The following HMGB1 variants were observed in gnomAD, a reference collection of about 807,000 sequenced individuals.
The protein encoded by HMGB1 is high mobility group protein B1.
For synonymous variants in HMGB1, 81 were observed against 84.0 expected, an observed-to-expected ratio of 0.96 and a Z score of 0.19; for missense variants, 79 against 253.5, an observed-to-expected ratio of 0.31 and a Z score of 4.67.
chr13:30,544,516 A>G (rs1420797036), intron 1 of HMGB1, among the ~76,000 whole-genome samples: 3 of 152,204 alleles, frequency 2.0e-5, no homozygotes, highest in Admixed American at 6.5e-5. Flanking sequence ...TGCCTATGTA[A>G]TGACGCTTCC....
chr13:30,544,624 T>C (rs145622703), intron 1 of HMGB1, among the ~76,000 whole-genome samples: 196 of 152,314 alleles, frequency 1.3e-3, no homozygotes, highest in African/African-American at 4.5e-3. Context: ...ATGGAAGCTC[T>C]GCACCCTTCC....
intron 1 of HMGB1, among the ~76,000 whole-genome samples, chr13:30,605,921 TAAA>T (rs1950453829): frequency 6.6e-6 from 1 of 152,186 alleles, no homozygotes; most frequent in Non-Finnish European, 1.5e-5. Flanking sequence ...ATGTATCTCC[TAAA>T]ATAAGTCCAT....
intron 1 of HMGB1, among the ~76,000 whole-genome samples, chr13:30,551,039 G>T (rs539163003): frequency 1.9e-4 from 29 of 152,222 alleles, no homozygotes; most frequent in African/African-American, 5.8e-4. Context: ...TTAGCCCTCA[G>T]GGAGAAAACA....
At chr13:30,530,555 A>G (rs772994471) in intron 1 of HMGB1, among the ~76,000 whole-genome samples, 1 of 152,208 alleles carries the variant, frequency 6.6e-6, no homozygotes, top group African/African-American at 2.4e-5. Context: ...TGCTCACTGA[A>G]GTGTGCAAAT....
chr13:30,462,778 A>G, intron 3 of HMGB1, 66 bp from the exon 4 acceptor site: 1 of 1,305,348 alleles, frequency 7.7e-7, no homozygotes, highest in East Asian at 2.4e-5. Context: ...TATCAAGTGT[A>G]CACTGCATTG....
chr13:30,482,442 A>G (rs542397461), intron 1 of HMGB1, among the ~76,000 whole-genome samples: 38 of 152,338 alleles, frequency 2.5e-4, no homozygotes, highest in Non-Finnish European at 2.8e-4. Context: ...ACTAATATTT[A>G]CTGGGCATTC....
rs1565991444 is a variant in HMGB1 at position 30,459,511 on chromosome 13, C to G, written c.*1846G>C. On this transcript the variant is annotated 3_prime_UTR_variant, in exon 5 of 5. Coordinates refer to ENST00000341423, the MANE Select transcript of HMGB1 (RefSeq NM_002128.7). ...AAATCAGATTGAGTCATTTGCTCCTCTTAACAAAAAATCTGATGTTCGACA... is the reference window on the plus strand; with the variant it reads ...AAATCAGATTGAGTCATTTGCTCCTGTTAACAAAAAATCTGATGTTCGACA... 1 of 145,918 alleles carries G rather than the reference C, an allele frequency of 6.9e-6. No homozygotes were observed. Among genetic ancestry groups the G allele is most frequent in the East Asian group, 1.9e-4 (1 of 5,192 alleles). The allele number at this position is 145,918 out of a possible 1,614,324, so 9.0% of individuals were successfully genotyped here.
intron 1 of HMGB1, chr13:30,553,580 T>C (rs1332322842): frequency 3.7e-6 from 2 of 547,618 alleles, no homozygotes; most frequent in Non-Finnish European, 6.5e-6. Flanking sequence ...TGAGTAATGA[T>C]TGACTATAAT....
At chr13:30,495,741 G>C (rs1298653633) in intron 1 of HMGB1, among the ~76,000 whole-genome samples, 1 of 152,218 alleles carries the variant, frequency 6.6e-6, no homozygotes, top group East Asian at 1.9e-4. Flanking sequence ...GCCTCCCAAA[G>C]TGCTGGGATT....
chr13:30,508,756 C>T (rs1483651854), intron 1 of HMGB1, among the ~76,000 whole-genome samples: 2 of 152,112 alleles, frequency 1.3e-5, no homozygotes. Flanking sequence ...CCCTCCCCTT[C>T]ATTTTTCAAG....
intron 1 of HMGB1, among the ~76,000 whole-genome samples, chr13:30,581,628 TA>T (rs1172494429): frequency 6.6e-6 from 1 of 152,180 alleles, no homozygotes; most frequent in Non-Finnish European, 1.5e-5. Context: ...CCACAAGTAT[TA>T]GAAGTTAGAC....
At position 30,571,814 on chromosome 13, in the gene HMGB1, T is replaced by C. The variant is rs187438838; in HGVS notation, c.-15+44857A>G. On this transcript the variant is annotated intron_variant, in intron 1 of 4. Coordinates refer to the HMGB1 transcript ENST00000405805. Reference sequence around the variant, plus strand: ...GAAGAGTATATGTATTTTAGAAGTATTACTTTATATTTTTATAGTATAATA... The same window carrying C: ...GAAGAGTATATGTATTTTAGAAGTACTACTTTATATTTTTATAGTATAATA... 5.9e-5 allele frequency among the ~76,000 whole-genome samples: 9 copies of C among 152,252 alleles called. No individual in the cohort carries two copies. The East Asian group carries it at 1.5e-3, about 26-fold the overall frequency.
intron 1 of HMGB1, among the ~76,000 whole-genome samples, chr13:30,536,991 G>C (rs1178292942): frequency 6.6e-6 from 1 of 152,112 alleles, no homozygotes; most frequent in Non-Finnish European, 1.5e-5. Flanking sequence ...TCCGTTCCAT[G>C]GGTCCTCTGT....
At chr13:30,530,833 G>A (rs984727608) in intron 1 of HMGB1, among the ~76,000 whole-genome samples, 16 of 152,114 alleles carry the variant, frequency 1.1e-4, no homozygotes, top group Non-Finnish European at 4.4e-5. Flanking sequence ...GATTGCTTGA[G>A]CCCAGGAGTT....
At chr13:30,564,015 T>G (rs745725172) in intron 1 of HMGB1, among the ~76,000 whole-genome samples, 1 of 152,202 alleles carries the variant, frequency 6.6e-6, no homozygotes, top group Non-Finnish European at 1.5e-5. Context: ...TTCGTGGGCA[T>G]GGTGGCCAAA....
At chr13:30,601,458 G>T (rs536780818) in intron 1 of HMGB1, among the ~76,000 whole-genome samples, 1 of 99,372 alleles carries the variant, frequency 1.0e-5, no homozygotes, top group East Asian at 2.0e-4. Flanking sequence ...TAAAAATGAG[G>T]GTTGTGGCCG....
intron 1 of HMGB1, among the ~76,000 whole-genome samples, chr13:30,541,201 C>T (rs76372878): frequency 0.15 from 23,246 of 152,066 alleles, 1,841 homozygotes; most frequent in Middle Eastern, 0.33. Flanking sequence ...GGCTGGAAAA[C>T]GAAACTCAGA....
chr13:30,592,192 C>T (rs939446765), intron 1 of HMGB1, among the ~76,000 whole-genome samples: 2 of 151,646 alleles, frequency 1.3e-5, no homozygotes, highest in Non-Finnish European at 2.9e-5. Flanking sequence ...AACATTTTCC[C>T]CTATATTACA....
chr13:30,607,455 T>C (rs949624164), intron 1 of HMGB1, among the ~76,000 whole-genome samples: 3 of 152,212 alleles, frequency 2.0e-5, no homozygotes, highest in African/African-American at 7.2e-5. Context: ...TCTGCCACCA[T>C]GTAAGATGTG....
Sources: allele counts gnomAD v4.1 joint callset (sites outside exome capture counted in the v4.1 genomes callset), GRCh38; gene constraint gnomAD v4.1.1; transcripts MANE v1.5; gene names NCBI Gene and HGNC (gene_info 2026-07-23, HGNC 2026-07-21).